CRIP2: variants seen among roughly 807,000 people sequenced by gnomAD.
CRIP2 encodes the protein cysteine-rich protein 2.
CRIP2 carries 31 observed loss-of-function variants against 31.3 expected under a neutral mutation model. The ratio of observed to expected loss-of-function variants is 0.99; its 90% CI spans 0.74 to 1.34. CRIP2 has a LOEUF of 1.34. Among genes scored for constraint, CRIP2 ranks in the 40% most tolerant of loss-of-function variants. CRIP2 has a pLI of 0.00. For missense variants in CRIP2, 389 were observed against 301.6 expected (o/e 1.29, Z -2.15); for synonymous variants, 177 against 127.2 (o/e 1.39, Z -2.63).
At chr14:105,473,032 GCAAGCCCCACAGGTA>G (rs2083868886), upstream of CRIP2, 10 of 12,670 alleles carry the variant, frequency 7.9e-4, no homozygotes, top group South Asian at 0.24. Flanking sequence ...GTCCTCCAGA[GCAAGCCCCACAGGTA>G]GCAAGCCCCA....
chr14:105,474,728 G>A (rs1356111340), upstream of CRIP2: 6 of 1,016,858 alleles, frequency 5.9e-6, no homozygotes, highest in Non-Finnish European at 7.0e-6. The surrounding 1 kb of genome is among the most constrained non-coding windows in gnomAD (Gnocchi z 5.1). Flanking sequence ...CAGCCCGGGG[G>A]ACGGGTTATC....
In CRIP2 at chr14:105,479,606, G is replaced by A; in HGVS notation, c.580G>A (p.Gly194Ser). Reference sequence around the variant, plus strand: ...CACAGGAGTGAACACCGGTGCGGTGGGCAGCTACATCTATGACCGGGACCC... The same window carrying A: ...CACAGGAGTGAACACCGGTGCGGTGAGCAGCTACATCTATGACCGGGACCC... ...GPKGVNTGAVGSYIYDRDPEG... is the reference protein window; with the variant it reads ...GPKGVNTGAVSSYIYDRDPEG... The change falls in exon 8 of 8, where the codon GGC (glycine) becomes AGC (serine). Residue 194 changes from glycine (G) to serine (S), a missense_variant. Transcript: ENST00000329146. 3.7e-6 allele frequency: 6 copies of A among 1,612,800 alleles called. No homozygotes were observed. The highest frequency in any genetic ancestry group is 4.2e-6 in the Non-Finnish European group (5 of 1,179,934).
rs1002740023 is a variant in CRIP2, at chr14:105,478,188, G to T, written c.44-78G>T. On this transcript the variant is annotated intron_variant, in intron 1 of 7. Transcript: ENST00000329146. This position sits in a 1 kb window ranked among gnomAD's most constrained non-coding sequence, Gnocchi z 4.9. ...GTGGGGACCCCCGGAGCGCGTGGGG[G>T]TGGTGGCTGCCAGGTGGGGGCGGAG... 1.7e-6 allele frequency: 2 copies of T among 1,176,402 alleles called. No homozygotes were observed. Among genetic ancestry groups the T allele is most frequent in the African/African-American group, 3.3e-5 (2 of 61,314 alleles). The allele number at this position is 1,176,402 out of a possible 1,614,324, so 72.9% of individuals were successfully genotyped here. A position where few individuals can be genotyped will look rare whatever the true frequency, so the allele number is the denominator to read the frequency against.
Position 105,479,799 on chromosome 14 carries a change from G to A in CRIP2, c.*146G>A. 2.4e-6 allele frequency: 2 copies of A among 832,628 alleles called. No individual in the cohort carries two copies. The highest frequency in any genetic ancestry group is 2.2e-5 in the Admixed American group (1 of 45,804). 51.6% of individuals were successfully genotyped at this position (832,628 alleles called of 1,614,324 possible). On this transcript the variant is annotated 3_prime_UTR_variant, in exon 8 of 8. Coordinates refer to ENST00000329146, the MANE Select transcript of CRIP2 (RefSeq NM_001312.4). Reference sequence around the variant, plus strand: ...ATTGGAGGAGGGGCAGCCACGGGCAGAGCACCATGCCCATCCCCGAGTCTC... The same window carrying A: ...ATTGGAGGAGGGGCAGCCACGGGCAAAGCACCATGCCCATCCCCGAGTCTC...
chr14:105,478,191 G>A lies in CRIP2; in HGVS notation c.44-75G>A. ...GGGACCCCCGGAGCGCGTGGGGGTG[G>A]TGGCTGCCAGGTGGGGGCGGAGGGG... is the stretch of plus-strand genomic sequence containing the variant. On this transcript the variant is annotated intron_variant, in intron 1 of 7. Transcript: ENST00000329146. The surrounding 1 kb of genome is among the most constrained non-coding windows in gnomAD (Gnocchi z 4.9). 1 of 1,227,970 alleles carries A rather than the reference G, an allele frequency of 8.1e-7. No homozygotes were observed. The allele number at this position is 1,227,970 out of a possible 1,614,324, so 76.1% of individuals were successfully genotyped here.
chr14:105,479,748 G>A lies in CRIP2; in HGVS notation c.*95G>A, dbSNP rs1191613398. 1.5e-6 allele frequency: 2 copies of A among 1,360,650 alleles called. No homozygotes were observed. Among genetic ancestry groups the A allele is most frequent in the Non-Finnish European group, 2.0e-6 (2 of 987,580 alleles). The allele number at this position is 1,360,650 out of a possible 1,614,324, so 84.3% of individuals were successfully genotyped here. On this transcript the variant is annotated 3_prime_UTR_variant, in exon 8 of 8. Coordinates refer to ENST00000329146, the MANE Select transcript of CRIP2 (RefSeq NM_001312.4). ...TGCTGGGAGAGTGCTCAGCCGCCCA[G>A]TCCTGCCTGCAAGCCCAGGGCGAGT... is the stretch of plus-strand genomic sequence containing the variant.
Position 105,478,808 on chromosome 14 carries a change from G to A in CRIP2, c.274G>A (p.Glu92Lys), listed in dbSNP as rs1555436519. Residue 92 changes from glutamate to lysine, a missense_variant, in exon 4 of 8, where the codon GAG (glutamate) becomes AAG (lysine). Transcript: ENST00000329146. The surrounding 1 kb of genome is among the most constrained non-coding windows in gnomAD (Gnocchi z 4.9). ...AEGPQVTGPI[E>K]VPAARAEERK... ...GGGGCCGCAGGTCACCGGCCCCATC[G>A]AGGTCCCCGCGGCCCGAGCAGAGGA... The A allele has an allele frequency of 1.2e-5, 17 of 1,431,030 alleles. No homozygotes were observed. The highest frequency in any genetic ancestry group is 1.5e-5 in the Non-Finnish European group (16 of 1,101,238). The allele number at this position is 1,431,030 out of a possible 1,614,324, so 88.6% of individuals were successfully genotyped here.
At position 105,478,259 on chromosome 14, in the gene CRIP2, C is replaced by A; in HGVS notation, c.44-7C>A. The stretch of plus-strand genomic sequence containing the variant: ...GCCCTGACCCCCCTGCCGCCCCTCC[C>A]GCTCAGCCGAGAAGGTGAGCTCCCT... On this transcript the variant is annotated splice_region_variant and splice_polypyrimidine_tract_variant and intron_variant, in intron 1 of 7. Coordinates refer to ENST00000329146, the MANE Select transcript of CRIP2 (RefSeq NM_001312.4). The surrounding 1 kb of genome is among the most constrained non-coding windows in gnomAD (Gnocchi z 4.9). 6.5e-7 allele frequency: 1 copy of A among 1,539,986 alleles called. No individual in the cohort carries two copies. The highest frequency in any genetic ancestry group is 2.5e-5 in the East Asian group (1 of 39,830).
In CRIP2 at chr14:105,474,839, G is replaced by T; in HGVS notation, c.-24G>T. On this transcript the variant is annotated 5_prime_UTR_variant, in exon 1 of 8. Transcript: ENST00000329146. The surrounding 1 kb of genome is among the most constrained non-coding windows in gnomAD (Gnocchi z 5.1). ...GCCCGGAGGAGAACGGGCGGAGGGC[G>T]CGGGCCGACCGGGCGCACCGACCAT... 6.8e-7 allele frequency: 1 copy of T among 1,464,680 alleles called. No individual in the cohort carries two copies. Among genetic ancestry groups the T allele is most frequent in the South Asian group, 1.3e-5 (1 of 76,636 alleles). The allele number at this position is 1,464,680 out of a possible 1,614,324, so 90.7% of individuals were successfully genotyped here.
rs782042376 is a variant in CRIP2 at position 105,474,852 on chromosome 14, G to A, written c.-11G>A. On this transcript the variant is annotated 5_prime_UTR_variant, in exon 1 of 8. Transcript: ENST00000329146. This position sits in a 1 kb window ranked among gnomAD's most constrained non-coding sequence, Gnocchi z 5.1. ...CGGGCGGAGGGCGCGGGCCGACCGG[G>A]CGCACCGACCATGGCCTCCAAATGC... 10 of 1,487,310 alleles carry A rather than the reference G, an allele frequency of 6.7e-6. No individual in the cohort carries two copies. The highest frequency in any genetic ancestry group is 1.5e-5 in the African/African-American group (1 of 68,712). 92.1% of individuals were successfully genotyped at this position (1,487,310 alleles called of 1,614,324 possible).
rs1035562263 is a variant in CRIP2 at position 105,479,339 on chromosome 14, C to T, written c.502-97C>T. 1.7e-5 allele frequency: 27 copies of T among 1,562,864 alleles called. No homozygotes were observed. In the East Asian group the frequency reaches 6.1e-4, roughly 35 times the overall value. ...GCTTCTGGGAGCTGCGCTGCCCTCT[C>T]CCCCACGGCGAGCCGGCCTGCACGT... On this transcript the variant is annotated intron_variant, in intron 6 of 7. Coordinates refer to ENST00000329146, the MANE Select transcript of CRIP2 (RefSeq NM_001312.4).
chr14:105,473,488 C>A, upstream of CRIP2: 1 of 1,535,566 alleles, frequency 6.5e-7, no homozygotes, highest in Non-Finnish European at 8.7e-7. Context: ...ACAAACATGC[C>A]TGGTGCACCA....
chr14:105,479,679 C>T lies in CRIP2; in HGVS notation c.*26C>T, dbSNP rs1555436963. Reference sequence around the variant, plus strand: ...GCTACAGCGGCTCTCATGATGTGGGCTCACCTGCGCCCCAGACCCTGCAGG... The same window carrying T: ...GCTACAGCGGCTCTCATGATGTGGGTTCACCTGCGCCCCAGACCCTGCAGG... On this transcript the variant is annotated 3_prime_UTR_variant, in exon 8 of 8. Transcript: ENST00000329146. The T allele has an allele frequency of 6.2e-7, 1 of 1,603,368 alleles. No homozygotes were observed. Among genetic ancestry groups the T allele is most frequent in the Non-Finnish European group, 8.5e-7 (1 of 1,175,900 alleles).
At chr14:105,477,442 C>T (rs2083957185) in intron 1 of CRIP2, 4 of 984,968 alleles carry the variant, frequency 4.1e-6, no homozygotes, top group Non-Finnish European at 4.8e-6. Context: ...CTGGCCTTCC[C>T]ATGAGGGAGC....
At position 105,479,005 on chromosome 14, in the gene CRIP2, G is replaced by T. The variant is rs782478377; in HGVS notation, c.364G>T (p.Glu122Ter). ...RASSVTTFTGEPNTCPRCSKK... is the reference protein window; with the variant it reads ...RASSVTTFTG ...CTCCAGTGTCACCACTTTCACCGGG[G>T]AGCCCAACACGTGCCCGCGCTGCAG... is the stretch of plus-strand genomic sequence containing the variant. Residue 122 changes from glutamate to a stop codon, truncating the protein, a stop_gained, in exon 5 of 8, where the codon GAG becomes TAG. Coordinates refer to ENST00000329146, the MANE Select transcript of CRIP2 (RefSeq NM_001312.4). LOFTEE classifies it high-confidence loss of function. 1 of 1,582,840 alleles carries T rather than the reference G, an allele frequency of 6.3e-7. No individual in the cohort carries two copies.
chr14:105,477,327 C>T, intron 1 of CRIP2: 27 of 985,482 alleles, frequency 2.7e-5, no homozygotes, highest in Non-Finnish European at 3.3e-5. Context: ...ATCTTCCATG[C>T]CAGTGGCAGC....
intron 6 of CRIP2, 96 bp downstream of exon 6, chr14:105,479,315 CTT>C (rs2084034907): frequency 1.3e-6 from 2 of 1,520,906 alleles, no homozygotes; most frequent in African/African-American, 2.9e-5. Flanking sequence ...GGGGGTGGTG[CTT>C]CTGGGAGCTG....
At chr14:105,479,320 G>C (rs1262463714) in intron 6 of CRIP2, 101 bp downstream of exon 6, 2 of 1,536,792 alleles carry the variant, frequency 1.3e-6, no homozygotes, top group Non-Finnish European at 1.8e-6. Context: ...TGGTGCTTCT[G>C]GGAGCTGCGC....
intron 1 of CRIP2, among the ~76,000 whole-genome samples, chr14:105,477,908 G>T (rs868920936): frequency 8.3e-5 from 2 of 24,110 alleles, no homozygotes; most frequent in African/African-American, 8.8e-5. Context: ...GTTGGAGCGC[G>T]GGCAGGTGTT....
Sources: allele counts gnomAD v4.1 joint callset (sites outside exome capture counted in the v4.1 genomes callset), GRCh38; gene constraint gnomAD v4.1.1; non-coding constraint Gnocchi (gnomAD v3.1); transcripts MANE v1.5; gene names NCBI Gene and HGNC (gene_info 2026-07-23, HGNC 2026-07-21).